Variants in UFM1 observed in about 807,000 individuals in gnomAD.
The protein encoded by UFM1 is ubiquitin fold modifier 1.
Under a neutral mutation model 15.4 loss-of-function variants are expected in UFM1, and 9 were observed. That is an observed-to-expected ratio of 0.59 (90% CI 0.35 to 1.02). The LOEUF (loss-of-function observed/expected upper bound fraction) is 1.02. Ranked by LOEUF, UFM1 falls within the 50% of genes least tolerant of loss-of-function variation. The probability of loss-of-function intolerance (pLI) is 0.02; values close to 1 mark genes in which losing one functional copy is unlikely to be tolerated. For missense variants in UFM1, 98 were observed against 104.7 expected, an observed-to-expected ratio of 0.94 and a Z score of 0.28; for synonymous variants, 27 against 36.3, an observed-to-expected ratio of 0.74 and a Z score of 0.92.
Position 38,349,874 on chromosome 13 carries a change from A to G in UFM1, c.-46A>G, listed in dbSNP as rs1358460344. 2 of 1,613,870 alleles carry G rather than the reference A, an allele frequency of 1.2e-6. No individual in the cohort carries two copies. Among genetic ancestry groups the G allele is most frequent in the Non-Finnish European group, 1.7e-6 (2 of 1,180,026 alleles). On this transcript the variant is annotated 5_prime_UTR_variant, in exon 1 of 6. Coordinates refer to ENST00000239878, the MANE Select transcript of UFM1 (RefSeq NM_016617.4). ...CCAGCACACTAGAGGAAGTCGTGCT[A>G]CCCCCGCGGAGTTGTCGTGTGTTCT...
chr13:38,362,428 C>T lies in UFM1; in HGVS notation c.*1650C>T, dbSNP rs1210035897. 1 of 150,786 alleles carries T rather than the reference C, an allele frequency of 6.6e-6. No individual in the cohort carries two copies. Among genetic ancestry groups the T allele is most frequent in the Non-Finnish European group, 1.5e-5 (1 of 67,838 alleles). 9.3% of individuals were successfully genotyped at this position (150,786 alleles called of 1,614,324 possible). On this transcript the variant is annotated 3_prime_UTR_variant, in exon 6 of 6. Transcript: ENST00000239878. ...AAAGTATTTGCTGAGGTGAAAAAAT[C>T]TGATGTTTGAGGAAGTTTTTATTTT...
chr13:38,362,648 C>A lies in UFM1; in HGVS notation c.*1870C>A, dbSNP rs1322877435. 2 of 151,858 alleles carry A rather than the reference C, an allele frequency of 1.3e-5. No individual in the cohort carries two copies. Among genetic ancestry groups the A allele is most frequent in the African/African-American group, 2.4e-5 (1 of 41,370 alleles). 9.4% of individuals were successfully genotyped at this position (151,858 alleles called of 1,614,324 possible). A position where few individuals can be genotyped will look rare whatever the true frequency, so the allele number is the denominator to read the frequency against. On this transcript the variant is annotated 3_prime_UTR_variant, in exon 6 of 6. Coordinates refer to ENST00000239878, the MANE Select transcript of UFM1 (RefSeq NM_016617.4). ...TGATGTTCAGAGGCCCCGTTTCTTA[C>A]AATAAATGTTGAGTCTTAGTTAAGC...
chr13:38,360,626 T>C, intron 5 of UFM1, 85 bp from the exon 6 acceptor site: 1 of 1,060,142 alleles, frequency 9.4e-7, no homozygotes, highest in South Asian at 1.6e-5. Context: ...GTTTACTAAA[T>C]CATTTATTAT....
At chr13:38,359,905 G>A (rs1395180820) in intron 5 of UFM1, 2 of 181,584 alleles carry the variant, frequency 1.1e-5, no homozygotes, top group African/African-American at 4.8e-5. Flanking sequence ...TTTTTAAAAT[G>A]TAATCTCTTA....
chr13:38,350,039 C>T lies in UFM1; in HGVS notation c.43C>T (p.Arg15Trp). The T allele has an allele frequency of 1.9e-6, 3 of 1,614,212 alleles. No individual in the cohort carries two copies. Among genetic ancestry groups the T allele is most frequent in the South Asian group, 1.1e-5 (1 of 91,086 alleles). Residue 15 changes from arginine (R) to tryptophan (W), a missense_variant, in exon 2 of 6, where the codon CGG becomes TGG. Physicochemically the swap from Arg to Trp is moderately radical, Grantham distance 101. Coordinates refer to ENST00000239878, the MANE Select transcript of UFM1 (RefSeq NM_016617.4). ...SFKITLTSDP[R>W]LPYKVLSVPE... ...TAAGATCACGCTGACGTCGGACCCA[C>T]GGCTGCCGTACAAAGTGTGAGTAGC...
Position 38,351,572 on chromosome 13 carries a change from T to C in UFM1, c.59+1517T>C, listed in dbSNP as rs570238592. Reference sequence around the variant, plus strand: ...CTCCTATGAAAAACCACTTGAGCTATAGTTCCCATCTATTTCAGTCTTGTC... The same window carrying C: ...CTCCTATGAAAAACCACTTGAGCTACAGTTCCCATCTATTTCAGTCTTGTC... On this transcript the variant is annotated intron_variant, in intron 2 of 5. Transcript: ENST00000239878. Among the ~76,000 whole-genome samples the C allele has an allele frequency of 2.6e-5, 4 of 152,354 alleles. No homozygotes were observed. The South Asian group carries it at 8.3e-4, about 32-fold the overall frequency.
At chr13:38,352,102 C>CTTTTTTTT (rs35879418) in intron 2 of UFM1, among the ~76,000 whole-genome samples, 3 of 105,342 alleles carry the variant, frequency 2.8e-5, no homozygotes, top group African/African-American at 9.5e-5. Context: ...TTCTTTCTTT[C>CTTTTTTTT]TTTTTTTTTT....
intron 2 of UFM1, among the ~76,000 whole-genome samples, chr13:38,351,204 C>G (rs1878836198): frequency 6.6e-6 from 1 of 152,188 alleles, no homozygotes; most frequent in South Asian, 2.1e-4. Flanking sequence ...TCTCTCCTCT[C>G]AGCATATTTT....
intron 4 of UFM1, 93 bp downstream of exon 4, chr13:38,358,225 C>A (rs972249188): frequency 1.4e-4 from 102 of 737,478 alleles, no homozygotes; most frequent in Non-Finnish European, 1.9e-4. Flanking sequence ...CAAAAAGCCC[C>A]AAGTATATGT....
At chr13:38,354,733 A>G (rs1433892732) in intron 3 of UFM1, 1 of 152,538 alleles carries the variant, frequency 6.6e-6, no homozygotes, top group African/African-American at 2.4e-5. Flanking sequence ...GTTGTTTTGA[A>G]AAGTTTCTAG....
intron 5 of UFM1, 41 bp downstream of exon 5, chr13:38,359,374 A>G: frequency 6.2e-7 from 1 of 1,601,350 alleles, no homozygotes; most frequent in Non-Finnish European, 8.6e-7. Flanking sequence ...GTGGGGTTAT[A>G]TATGTCAATT....
At chr13:38,354,061 GTTA>G (rs201350733) in intron 2 of UFM1, among the ~76,000 whole-genome samples, 175 bp from the exon 3 acceptor site, 1,580 of 151,782 alleles carry the variant, frequency 0.01, 21 homozygotes, top group African/African-American at 0.035. Context: ...TGTTTGGGTT[GTTA>G]TTATTATTAT....
chr13:38,360,481 G>A (rs537586936), intron 5 of UFM1, among the ~76,000 whole-genome samples: 12 of 151,962 alleles, frequency 7.9e-5, no homozygotes, highest in African/African-American at 1.7e-4. Flanking sequence ...GAAAGTATTC[G>A]TCAGAGTTTT....
intron 2 of UFM1, among the ~76,000 whole-genome samples, chr13:38,350,670 T>G (rs1395612487): frequency 6.6e-6 from 1 of 152,224 alleles, no homozygotes; most frequent in Non-Finnish European, 1.5e-5. Flanking sequence ...GGGCCTTTAC[T>G]TATCCTTCGC....
Position 38,349,882 on chromosome 13 carries a change from G to C in UFM1, c.-38G>C, listed in dbSNP as rs771558760. The C allele has an allele frequency of 1.4e-5, 23 of 1,613,994 alleles. No individual in the cohort carries two copies. Among genetic ancestry groups the C allele is most frequent in the Non-Finnish European group, 1.9e-5 (23 of 1,180,038 alleles). ...CTAGAGGAAGTCGTGCTACCCCCGC[G>C]GAGTTGTCGTGTGTTCTGGATTCAT... On this transcript the variant is annotated 5_prime_UTR_variant, in exon 1 of 6. Coordinates refer to ENST00000239878, the MANE Select transcript of UFM1 (RefSeq NM_016617.4).
At position 38,362,796 on chromosome 13, in the gene UFM1, A is replaced by C. The variant is rs955474264; in HGVS notation, c.*2018A>C. The C allele has an allele frequency of 1.3e-5, 2 of 152,160 alleles. No individual in the cohort carries two copies. Among genetic ancestry groups the C allele is most frequent in the Admixed American group, 6.5e-5 (1 of 15,276 alleles). 9.4% of individuals were successfully genotyped at this position (152,160 alleles called of 1,614,324 possible). A position where few individuals can be genotyped will look rare whatever the true frequency, so the allele number is the denominator to read the frequency against. On this transcript the variant is annotated 3_prime_UTR_variant, in exon 6 of 6. Coordinates refer to ENST00000239878, the MANE Select transcript of UFM1 (RefSeq NM_016617.4). Reference sequence around the variant, plus strand: ...ATAAATTTATGTTGTCCTGTGCCATAAAGTGATATATTTAATATTTTTATT... The same window carrying C: ...ATAAATTTATGTTGTCCTGTGCCATCAAGTGATATATTTAATATTTTTATT...
At chr13:38,352,118 T>G (rs1268089353) in intron 2 of UFM1, among the ~76,000 whole-genome samples, 1 of 149,596 alleles carries the variant, frequency 6.7e-6, no homozygotes, top group African/African-American at 2.5e-5. Context: ...TTTTTTTTTT[T>G]TGTGAAACAA....
At chr13:38,359,182 A>G (rs559323803) in intron 4 of UFM1, 119 bp from the exon 5 acceptor site, 205 of 714,858 alleles carry the variant, frequency 2.9e-4, no homozygotes, top group Non-Finnish European at 4.0e-4. Flanking sequence ...TTGGATTTAA[A>G]GTGTTTGGCT....
chr13:38,358,363 A>T (rs903161404), intron 4 of UFM1, among the ~76,000 whole-genome samples: 1 of 150,938 alleles, frequency 6.6e-6, no homozygotes, highest in African/African-American at 2.4e-5. Flanking sequence ...TTTTGTCCTT[A>T]CCAGTTCATG....
Sources: gnomAD v4.1 joint callset for allele counts (sites outside exome capture counted in the v4.1 genomes callset) on GRCh38, gnomAD v4.1.1 for gene constraint, MANE v1.5 for transcripts, NCBI Gene and HGNC (gene_info 2026-07-23, HGNC 2026-07-21) for gene names.